SSH2: variants seen among roughly 807,000 people sequenced by gnomAD.
The protein encoded by SSH2 is slingshot protein phosphatase 2.
Under a neutral mutation model 135.2 loss-of-function variants are expected in SSH2, and 37 were observed. That is an observed-to-expected ratio of 0.27 (90% confidence interval 0.21 to 0.36). The LOEUF (loss-of-function observed/expected upper bound fraction) is 0.36, where lower values mean the gene tolerates loss of function less well. Ranked by LOEUF, SSH2 falls within the 10% of genes least tolerant of loss-of-function variation. The pLI, the probability that SSH2 is intolerant of heterozygous loss-of-function variation, is 1.00. For missense variants in SSH2, 1,408 were observed against 1,765.3 expected, an observed-to-expected ratio of 0.80 and a Z score of 3.63; for synonymous variants, 628 against 646.2, an observed-to-expected ratio of 0.97 and a Z score of 0.43.
intron 3 of SSH2, among the ~76,000 whole-genome samples, chr17:29,770,281 G>C (rs755180219): frequency 1.3e-5 from 2 of 151,330 alleles, no homozygotes; most frequent in African/African-American, 4.9e-5. Flanking sequence ...GCTAATTTTT[G>C]TATTTTTGGT....
intron 1 of SSH2, chr17:29,856,279 T>C (rs2065660962): frequency 3.6e-6 from 1 of 280,084 alleles, no homozygotes; most frequent in Admixed American, 5.1e-5. Context: ...CAGAAAACTT[T>C]CAGATGATCT....
At chr17:29,764,484 C>A (rs1202259211) in intron 3 of SSH2, among the ~76,000 whole-genome samples, 1 of 152,146 alleles carries the variant, frequency 6.6e-6, no homozygotes, top group Non-Finnish European at 1.5e-5. Flanking sequence ...ACCCATGCAT[C>A]TAGGAATTCA....
chr17:29,792,126 C>T (rs2042078373), intron 3 of SSH2, among the ~76,000 whole-genome samples: 1 of 151,772 alleles, frequency 6.6e-6, no homozygotes, highest in Non-Finnish European at 1.5e-5. Flanking sequence ...GGGGTTTTAC[C>T]AGGTTGGCCA....
At chr17:29,635,829 T>C in intron 15 of SSH2, 139 bp downstream of exon 15, 1 of 750,416 alleles carries the variant, frequency 1.3e-6, no homozygotes, top group African/African-American at 1.8e-5. Flanking sequence ...AGGCAAATTA[T>C]TTAAAAAATA....
chr17:29,804,971 G>T (rs918070664), intron 2 of SSH2, among the ~76,000 whole-genome samples: 15 of 148,310 alleles, frequency 1.0e-4, no homozygotes, highest in African/African-American at 3.5e-4. Context: ...TAGGGTTACA[G>T]ATATGAGCTA....
At chr17:29,639,187 C>A (rs893624055) in intron 14 of SSH2, among the ~76,000 whole-genome samples, 1 of 152,168 alleles carries the variant, frequency 6.6e-6, no homozygotes, top group Non-Finnish European at 1.5e-5. Context: ...CCTCCATCAC[C>A]ATTTTATGAA....
At chr17:29,662,025 C>T (rs932219210) in intron 11 of SSH2, among the ~76,000 whole-genome samples, 1 of 152,016 alleles carries the variant, frequency 6.6e-6, no homozygotes, top group Non-Finnish European at 1.5e-5. Flanking sequence ...GACCCAATTT[C>T]CCCCCCGCCC....
intron 5 of SSH2, among the ~76,000 whole-genome samples, chr17:29,692,141 A>G (rs2038509195): frequency 7.2e-6 from 1 of 138,982 alleles, no homozygotes; most frequent in Non-Finnish European, 1.5e-5. Flanking sequence ...CTCTGTCTCA[A>G]AAAAATAAAT....
At chr17:29,768,461 G>T (rs556124129) in intron 3 of SSH2, among the ~76,000 whole-genome samples, 1 of 151,970 alleles carries the variant, frequency 6.6e-6, no homozygotes, top group African/African-American at 2.4e-5. Flanking sequence ...CTGTCGAGAC[G>T]AAGTCTTGCC....
At chr17:29,680,102 G>A (rs1334147531) in intron 6 of SSH2, among the ~76,000 whole-genome samples, 2 of 152,110 alleles carry the variant, frequency 1.3e-5, no homozygotes, top group Non-Finnish European at 1.5e-5. Flanking sequence ...TCTGTAATGG[G>A]TGCTCTAATA....
rs542014314 is a variant in SSH2, at chr17:29,849,396, G to C, written c.64-467C>G. On this transcript the variant is annotated intron_variant, in intron 1 of 15. Coordinates refer to ENST00000540801, the MANE Select transcript of SSH2 (RefSeq NM_001282129.2). ...CGGGAGGCTGAGGCAGGAGAATGGCGTGAACCCGGAAGGCTGAGCTTGCAG... is the reference window on the plus strand; with the variant it reads ...CGGGAGGCTGAGGCAGGAGAATGGCCTGAACCCGGAAGGCTGAGCTTGCAG... Among the ~76,000 whole-genome samples, 327 of 149,786 alleles carry C rather than the reference G, an allele frequency of 2.2e-3. 1 individual carries two copies. Among genetic ancestry groups the C allele is most frequent in the African/African-American group, 7.9e-3 (322 of 40,746 alleles).
At chr17:29,913,348 A>AAAAAAAAAAAT (rs1491105093) in intron 1 of SSH2, among the ~76,000 whole-genome samples, 1 of 13,694 alleles carries the variant, frequency 7.3e-5, no homozygotes, top group South Asian at 5.9e-3. Flanking sequence ...AAAAAAAAAA[A>AAAAAAAAAAAT]TATATATATA....
intron 1 of SSH2, among the ~76,000 whole-genome samples, chr17:29,915,746 T>C (rs1353016176): frequency 6.6e-6 from 1 of 151,944 alleles, no homozygotes; most frequent in Non-Finnish European, 1.5e-5. Context: ...GCTGTGGAAA[T>C]TGGCAACTAA....
At chr17:29,705,080 T>C (rs1327317390) in intron 3 of SSH2, among the ~76,000 whole-genome samples, 1 of 152,200 alleles carries the variant, frequency 6.6e-6, no homozygotes, top group African/African-American at 2.4e-5. Flanking sequence ...TCCAGCCTCA[T>C]TCTCCCAGTT....
At chr17:29,768,717 G>A (rs141724179) in intron 3 of SSH2, among the ~76,000 whole-genome samples, 236 of 152,320 alleles carry the variant, frequency 1.5e-3, no homozygotes, top group African/African-American at 5.1e-3. Flanking sequence ...TGATAATGCT[G>A]TAGAACTTAT....
At position 29,761,843 on chromosome 17, in the gene SSH2, A is replaced by ATGTGTGTGTGTG. The variant is rs752691137; in HGVS notation, c.188+32039_188+32050dup. Among the ~76,000 whole-genome samples, 1,219 of 142,424 alleles carry ATGTGTGTGTGTG rather than the reference A, an allele frequency of 8.6e-3. 28 individuals carry two copies. Among genetic ancestry groups the ATGTGTGTGTGTG allele is most frequent in the African/African-American group, 0.031 (1,132 of 36,996 alleles). The allele number at this position is 142,424 out of a possible 152,430, so 93.4% of individuals were successfully genotyped here. A position where few individuals can be genotyped will look rare whatever the true frequency, so the allele number is the denominator to read the frequency against. ...ATTCAGAGATTACACTCACATACAT[A>ATGTGTGTGTGTG]TGTGTGTGTGTGTGTGTGTGTGTGT... On this transcript the variant is annotated intron_variant, in intron 3 of 15. Transcript: ENST00000540801.
At chr17:29,758,842 G>A (rs934640117) in intron 3 of SSH2, among the ~76,000 whole-genome samples, 7 of 150,324 alleles carry the variant, frequency 4.7e-5, no homozygotes, top group African/African-American at 9.8e-5. Flanking sequence ...TTGAACTCCC[G>A]GGCTAAAGTA....
At chr17:29,871,182 T>G (rs895540411) in intron 1 of SSH2, among the ~76,000 whole-genome samples, 8 of 151,920 alleles carry the variant, frequency 5.3e-5, no homozygotes, top group African/African-American at 1.9e-4. Flanking sequence ...AGGCTGCAAT[T>G]GTTTTTTTTT....
intron 3 of SSH2, among the ~76,000 whole-genome samples, chr17:29,770,703 C>G (rs1362367437): frequency 1.3e-5 from 2 of 152,056 alleles, no homozygotes; most frequent in Non-Finnish European, 2.9e-5. Context: ...GAACTCCTGA[C>G]CTCAGATGAT....
Sources: gnomAD v4.1 joint callset for allele counts (sites outside exome capture counted in the v4.1 genomes callset) on GRCh38, gnomAD v4.1.1 for gene constraint, MANE v1.5 for transcripts, NCBI Gene and HGNC (gene_info 2026-07-23, HGNC 2026-07-21) for gene names.